The following STXBP5 variants were observed in gnomAD, a reference collection of about 807,000 sequenced individuals.
STXBP5 encodes the protein syntaxin-binding protein 5.
In STXBP5, 50 loss-of-function variants were observed where a neutral mutation model predicts 152.4. The observed-to-expected ratio is 0.33, with a 90% CI of 0.26 to 0.42. The LOEUF is 0.42. Ranked by LOEUF, STXBP5 falls within the 10% of genes least tolerant of loss-of-function variation. STXBP5 has a pLI of 1.00. For synonymous variants in STXBP5, 492 were observed against 494.7 expected, an observed-to-expected ratio of 0.99 and a Z score of 0.07; for missense variants, 1,167 against 1,388.6, an observed-to-expected ratio of 0.84 and a Z score of 2.54.
At chr6:147,374,076 AT>A (rs1194459543) in intron 26 of STXBP5, among the ~76,000 whole-genome samples, 2 of 152,230 alleles carry the variant, frequency 1.3e-5, no homozygotes, top group African/African-American at 4.8e-5. Flanking sequence ...AAAAAGTAGT[AT>A]TCACAACTTT....
At chr6:147,255,789 C>T (rs1257491895) in intron 4 of STXBP5, among the ~76,000 whole-genome samples, 3 of 152,160 alleles carry the variant, frequency 2.0e-5, no homozygotes, top group South Asian at 4.1e-4. Flanking sequence ...GCTGGAATTA[C>T]AGGTGTGAGC....
chr6:147,225,201 G>C (rs1777649042), intron 2 of STXBP5, among the ~76,000 whole-genome samples: 1 of 152,048 alleles, frequency 6.6e-6, no homozygotes, highest in Non-Finnish European at 1.5e-5. Flanking sequence ...TCTTGGTTTA[G>C]TAGGAGAATA....
In STXBP5 at chr6:147,382,828, C is replaced by A. The variant is rs996222122; in HGVS notation, c.3244C>A (p.Pro1082Thr). ...TTCAAGGAGCCTTGCACAGCATATT[C>A]CTGGCCCTGGTGGCATTGAAGGCGT... ...KASRSLAQHI[P>T]GPGGIEGVKG... is the part of the protein sequence containing the mutation. Residue 1082 changes from proline to threonine, a missense_variant, in exon 27 of 28, where the codon CCT (proline) becomes ACT (threonine). Physicochemically the swap from Pro to Thr is conservative, Grantham distance 38. This residue lies in a region of STXBP5 where 833 missense variants were observed against 986.3 expected (regional missense o/e 0.84). Transcript: ENST00000321680. 6.2e-7 allele frequency: 1 copy of A among 1,613,540 alleles called. No individual in the cohort carries two copies. Among genetic ancestry groups the A allele is most frequent in the Non-Finnish European group, 8.5e-7 (1 of 1,179,660 alleles).
chr6:147,273,599 T>G (rs770351111), intron 7 of STXBP5, among the ~76,000 whole-genome samples: 4 of 152,118 alleles, frequency 2.6e-5, no homozygotes, highest in Non-Finnish European at 4.4e-5. Context: ...AAACAATAAT[T>G]TGTGCTTTGC....
At chr6:147,214,835 C>T (rs1225043344) in intron 2 of STXBP5, among the ~76,000 whole-genome samples, 1 of 151,934 alleles carries the variant, frequency 6.6e-6, no homozygotes, top group Non-Finnish European at 1.5e-5. Flanking sequence ...CAGCCAGTAT[C>T]CTCTCCTTTA....
rs572199738 is a variant in STXBP5, at chr6:147,333,395, G to A, written c.2081-762G>A. On this transcript the variant is annotated intron_variant, in intron 18 of 27. Coordinates refer to ENST00000321680, the MANE Select transcript of STXBP5 (RefSeq NM_001127715.4). ...AAAAACTAGCCAGGCATGGTGGGGC[G>A]CACCTGTAGTCCCAGCTACTTGGGA... Among the ~76,000 whole-genome samples, 10 of 152,090 alleles carry A rather than the reference G, an allele frequency of 6.6e-5. No individual in the cohort carries two copies. The East Asian group carries it at 1.2e-3, about 18-fold the overall frequency.
At chr6:147,211,542 G>T (rs1192014061) in intron 2 of STXBP5, among the ~76,000 whole-genome samples, 2 of 152,002 alleles carry the variant, frequency 1.3e-5, no homozygotes, top group Non-Finnish European at 2.9e-5. Context: ...ATTTTCATTT[G>T]AAATAATTAA....
intron 13 of STXBP5, 110 bp from the exon 14 acceptor site, chr6:147,314,486 G>T: frequency 7.4e-7 from 1 of 1,353,848 alleles, no homozygotes; most frequent in Non-Finnish European, 1.0e-6. Context: ...AGTTTACCCT[G>T]ATTTTTTTTA....
intron 5 of STXBP5, among the ~76,000 whole-genome samples, chr6:147,261,911 T>G (rs1779658540): frequency 6.6e-6 from 1 of 151,972 alleles, no homozygotes; most frequent in Non-Finnish European, 1.5e-5. Flanking sequence ...CTATTGAAAC[T>G]AAATGGGATG....
intron 9 of STXBP5, among the ~76,000 whole-genome samples, chr6:147,301,386 G>A (rs770885165): frequency 6.6e-6 from 1 of 152,124 alleles, no homozygotes; most frequent in Non-Finnish European, 1.5e-5. Flanking sequence ...TCTTACGTCT[G>A]TTAAGAAAAA....
intron 13 of STXBP5, 51 bp downstream of exon 13, chr6:147,314,382 T>C (rs1782536774): frequency 4.7e-6 from 7 of 1,502,280 alleles, no homozygotes; most frequent in Non-Finnish European, 6.5e-6. Context: ...CTAAATATAA[T>C]TGATTGAGAC....
intron 2 of STXBP5, among the ~76,000 whole-genome samples, chr6:147,208,492 A>G (rs1178691672): frequency 6.6e-6 from 1 of 152,076 alleles, no homozygotes; most frequent in African/African-American, 2.4e-5. Flanking sequence ...ATTTACTACA[A>G]GTGTGTATAT....
Position 147,364,006 on chromosome 6 carries a change from C to T in STXBP5, c.2921C>T (p.Pro974Leu). The T allele has an allele frequency of 1.2e-6, 2 of 1,609,424 alleles. No individual in the cohort carries two copies. The highest frequency in any genetic ancestry group is 1.7e-6 in the Non-Finnish European group (2 of 1,178,884). The change falls in exon 25 of 28, where the codon CCA becomes CTA. Residue 974 changes from proline to leucine, a missense_variant. Coordinates refer to ENST00000321680, the MANE Select transcript of STXBP5 (RefSeq NM_001127715.4). ...TTTTTAATTTTTTTCTCAAGTTTGCCAAGTTTAAGACCTCTGTTGGATGTG... is the reference window on the plus strand; with the variant it reads ...TTTTTAATTTTTTTCTCAAGTTTGCTAAGTTTAAGACCTCTGTTGGATGTG... Reference protein sequence around the residue: ...ANGHIMTFSLPSLRPLLDVYY... With the variant: ...ANGHIMTFSLLSLRPLLDVYY...
chr6:147,287,836 A>G (rs906996876), intron 8 of STXBP5, among the ~76,000 whole-genome samples: 3 of 152,200 alleles, frequency 2.0e-5, no homozygotes, highest in Non-Finnish European at 4.4e-5. Flanking sequence ...ATTATTTCTA[A>G]TAAATGTTCT....
At chr6:147,271,816 A>G (rs529612371) in intron 7 of STXBP5, among the ~76,000 whole-genome samples, 1 of 152,118 alleles carries the variant, frequency 6.6e-6, no homozygotes, top group Non-Finnish European at 1.5e-5. Context: ...AAAATAGAGA[A>G]AAGTGATAAA....
At chr6:147,312,652 T>C (rs1372154252) in intron 11 of STXBP5, among the ~76,000 whole-genome samples, 1 of 152,178 alleles carries the variant, frequency 6.6e-6, no homozygotes, top group Non-Finnish European at 1.5e-5. Context: ...TGAATAGTAC[T>C]GAGGTTGGGC....
At chr6:147,251,179 A>G (rs531980505) in intron 4 of STXBP5, among the ~76,000 whole-genome samples, 2 of 152,200 alleles carry the variant, frequency 1.3e-5, no homozygotes, top group East Asian at 1.9e-4. Context: ...CCGGAAGCGG[A>G]AAGGGTCGGG....
intron 4 of STXBP5, among the ~76,000 whole-genome samples, chr6:147,257,204 ATACAACTTG>A (rs1779413247): frequency 6.7e-6 from 1 of 150,142 alleles, no homozygotes; most frequent in Non-Finnish European, 1.5e-5. Flanking sequence ...GTGCCACTAA[ATACAACTTG>A]TATTTAGTGG....
chr6:147,211,736 G>A (rs1178151222), intron 2 of STXBP5, among the ~76,000 whole-genome samples: 1 of 152,056 alleles, frequency 6.6e-6, no homozygotes, highest in Non-Finnish European at 1.5e-5. Flanking sequence ...ACAAGTGTGT[G>A]CCACCACTAT....
Sources: allele counts gnomAD v4.1 joint callset (sites outside exome capture counted in the v4.1 genomes callset), GRCh38; gene constraint gnomAD v4.1.1; regional missense constraint gnomAD v4.1.1; transcripts MANE v1.5; gene names NCBI Gene and HGNC (gene_info 2026-07-23, HGNC 2026-07-21).